The following MCF2L variants were observed in gnomAD, a reference collection of about 807,000 sequenced individuals.
MCF2L encodes guanine nucleotide exchange factor DBS.
Under a neutral mutation model 153.4 loss-of-function variants are expected in MCF2L, and 97 were observed. The ratio of observed to expected loss-of-function variants is 0.63; its 90% CI spans 0.54 to 0.75. The LOEUF (loss-of-function observed/expected upper bound fraction) is 0.75. MCF2L is among the 30% of genes least tolerant of loss of function. MCF2L has a pLI of 0.00. For missense variants in MCF2L, 1,347 were observed against 1,495.2 expected (o/e 0.90, Z 1.64); for synonymous variants, 659 against 632.2 (o/e 1.04, Z -0.64).
chr13:113,088,649 G>T (rs374795926), intron 25 of MCF2L, 21 bp downstream of exon 25: 1 of 1,599,262 alleles, frequency 6.3e-7, no homozygotes, highest in Admixed American at 1.7e-5. Flanking sequence ...ACACGCTGCC[G>T]CAGGCCTGCG....
Position 113,002,061 on chromosome 13 carries a change from G to A in MCF2L, c.80-12702G>A, listed in dbSNP as rs2083412692. On this transcript the variant is annotated intron_variant, in intron 1 of 29. Transcript: ENST00000535094. ...CAGTGCGGGGACGCCGGGCGGGGGT[G>A]GACGTTCTGGGCCCAGCCCTGTCCT... The A allele has an allele frequency of 5.0e-6, 7 of 1,407,986 alleles. No individual in the cohort carries two copies. In the Admixed American group the frequency reaches 1.3e-4, roughly 27 times the overall value. 87.2% of individuals were successfully genotyped at this position (1,407,986 alleles called of 1,614,324 possible).
At chr13:112,939,049 A>T (rs557006368) in intron 2 of MCF2L, among the ~76,000 whole-genome samples, 32 of 152,364 alleles carry the variant, frequency 2.1e-4, no homozygotes, top group African/African-American at 7.5e-4. Flanking sequence ...ATAACATGAA[A>T]TATAAGCAGT....
chr13:112,920,626 G>A (rs1267742937), intron 2 of MCF2L, among the ~76,000 whole-genome samples: 1 of 146,946 alleles, frequency 6.8e-6, no homozygotes, highest in Non-Finnish European at 1.5e-5. Context: ...GAGGGGAGCA[G>A]TTAGTCAACA....
chr13:112,997,310 G>A (rs2083180296), intron 1 of MCF2L, among the ~76,000 whole-genome samples: 1 of 152,224 alleles, frequency 6.6e-6, no homozygotes, highest in Admixed American at 6.5e-5. Flanking sequence ...TGGGGTTGCT[G>A]CTGACGCCCC....
rs1429695013 is a variant in MCF2L at position 112,943,766 on chromosome 13, A to G, written c.169+41395A>G. Among the ~76,000 whole-genome samples, 2 of 151,610 alleles carry G rather than the reference A, an allele frequency of 1.3e-5. No individual in the cohort carries two copies. Among genetic ancestry groups the G allele is most frequent in the Admixed American group, 1.3e-4 (2 of 15,254 alleles). ...CGGCTCGGGCCGGCGGAGATCTGGG[A>G]GCATTTTCTGGAAGCCTCCACAGAC... On this transcript the variant is annotated intron_variant, in intron 2 of 29. Transcript: ENST00000375608. The surrounding 1 kb of genome is among the most constrained non-coding windows in gnomAD (Gnocchi z 4.2).
intron 2 of MCF2L, among the ~76,000 whole-genome samples, chr13:112,952,042 T>C (rs578237618): frequency 6.6e-6 from 1 of 152,348 alleles, no homozygotes; most frequent in South Asian, 2.1e-4. Context: ...CAATATTTGC[T>C]TCAGATTTGC....
chr13:113,046,526 C>G lies in MCF2L; in HGVS notation c.369+1165C>G. 1.9e-6 allele frequency: 1 copy of G among 530,096 alleles called. No individual in the cohort carries two copies. The highest frequency in any genetic ancestry group is 1.4e-5 in the South Asian group (1 of 71,212). The allele number at this position is 530,096 out of a possible 1,614,324, so 32.8% of individuals were successfully genotyped here. On this transcript the variant is annotated intron_variant, in intron 4 of 29. Transcript: ENST00000535094. The surrounding 1 kb of genome is among the most constrained non-coding windows in gnomAD (Gnocchi z 4.4). ...TCTCGGTGGCTGCTGGCTGGTGCGC[C>G]AAGGTTTGAGGTATACTGAAAAAAG...
At chr13:113,061,989 C>T (rs965275857) in intron 5 of MCF2L, among the ~76,000 whole-genome samples, 5 of 144,570 alleles carry the variant, frequency 3.5e-5, no homozygotes, top group African/African-American at 1.3e-4. Context: ...CACCCGTGAC[C>T]CTGGTGCCTG....
chr13:113,013,105 C>G (rs981948062), intron 1 of MCF2L, among the ~76,000 whole-genome samples: 1 of 152,124 alleles, frequency 6.6e-6, no homozygotes, highest in African/African-American at 2.4e-5. Flanking sequence ...AAAAACTTAC[C>G]GTAAAATCTG....
At chr13:112,969,164 G>T (rs1487514934), upstream of MCF2L, 3 of 525,858 alleles carry the variant, frequency 5.7e-6, no homozygotes, top group Non-Finnish European at 7.9e-6. The surrounding 1 kb of genome is among the most constrained non-coding windows in gnomAD (Gnocchi z 4.8). Context: ...CGCTTCCGCC[G>T]AGCCGCCCCC....
At chr13:113,087,943 C>G in intron 23 of MCF2L, 144 bp downstream of exon 23, 1 of 696,716 alleles carries the variant, frequency 1.4e-6, no homozygotes, top group Admixed American at 2.3e-5. Flanking sequence ...GGGCTGTCTT[C>G]ACCCTGAGCT....
intron 15 of MCF2L, 142 bp downstream of exon 15, chr13:113,078,881 G>C: frequency 1.3e-6 from 1 of 799,236 alleles, no homozygotes; most frequent in Admixed American, 2.4e-5. Context: ...TGCACCAACC[G>C]ATACCCAGAG....
At chr13:113,077,285 A>G (rs2033598794) in intron 13 of MCF2L, 74 bp downstream of exon 13, 1 of 1,419,692 alleles carries the variant, frequency 7.0e-7, no homozygotes, top group Non-Finnish European at 9.3e-7. Context: ...AGCTTGGTAC[A>G]TCTGAGGCAG....
intron 1 of MCF2L, among the ~76,000 whole-genome samples, chr13:112,994,400 C>G (rs1332901299): frequency 1.3e-5 from 2 of 150,852 alleles, no homozygotes; most frequent in African/African-American, 4.9e-5. Context: ...GCTGACGTCA[C>G]TGTCTGTGCC....
intron 5 of MCF2L, among the ~76,000 whole-genome samples, chr13:113,061,799 C>G (rs1346796986): frequency 4.9e-5 from 1 of 20,416 alleles, no homozygotes. Flanking sequence ...CCCTTCCCCT[C>G]CCTTCCCTCT....
At chr13:112,977,952 T>C (rs1437991155) in intron 1 of MCF2L, among the ~76,000 whole-genome samples, 1 of 152,194 alleles carries the variant, frequency 6.6e-6, no homozygotes, top group East Asian at 1.9e-4. Flanking sequence ...CGGGGGTCTG[T>C]AATCCCAGCT....
intron 2 of MCF2L, among the ~76,000 whole-genome samples, chr13:112,915,737 C>G (rs116578044): frequency 0.012 from 1,823 of 152,246 alleles, 32 homozygotes; most frequent in African/African-American, 0.042. Flanking sequence ...TGCTTCCCAT[C>G]TCGTCCCGAG....
At chr13:113,002,091 G>A in intron 1 of MCF2L, 1 of 1,305,326 alleles carries the variant, frequency 7.7e-7, no homozygotes, top group Non-Finnish European at 1.0e-6. Context: ...TGTCCTCAGA[G>A]GCTGCTGGGG....
At position 112,943,611 on chromosome 13, in the gene MCF2L, C is replaced by T. The variant is rs906952921; in HGVS notation, c.169+41240C>T. 8.5e-5 allele frequency among the ~76,000 whole-genome samples: 13 copies of T among 152,106 alleles called. No individual in the cohort carries two copies. Among genetic ancestry groups the T allele is most frequent in the African/African-American group, 3.1e-4 (13 of 41,436 alleles). Reference sequence around the variant, plus strand: ...GAGGCCCCGTGCAGGCGCCCAGGCGCAGAGGAGGCGCGGGGGGCGGGACCT... The same window carrying T: ...GAGGCCCCGTGCAGGCGCCCAGGCGTAGAGGAGGCGCGGGGGGCGGGACCT... On this transcript the variant is annotated intron_variant, in intron 2 of 29. Coordinates refer to the MCF2L transcript ENST00000375608. The surrounding 1 kb of genome is among the most constrained non-coding windows in gnomAD (Gnocchi z 4.2).
Sources: gnomAD v4.1 joint callset for allele counts (sites outside exome capture counted in the v4.1 genomes callset) on GRCh38, gnomAD v4.1.1 for gene constraint, Gnocchi (gnomAD v3.1) non-coding constraint, MANE v1.5 for transcripts, NCBI Gene and HGNC (gene_info 2026-07-23, HGNC 2026-07-21) for gene names.